The following STAG1 variants were observed in gnomAD, a reference collection of about 807,000 sequenced individuals.
STAG1 encodes the protein cohesin subunit SA-1.
A neutral mutation model predicts 170.9 loss-of-function variants in STAG1; 26 were observed. The ratio of observed to expected loss-of-function variants is 0.15; its 90% CI spans 0.11 to 0.21. STAG1 has a LOEUF of 0.21. Among genes scored for constraint, STAG1 ranks in the 10% least tolerant of loss-of-function variants. The pLI is 1.00. For synonymous variants in STAG1, 514 were observed against 497.7 expected, an observed-to-expected ratio of 1.03 and a Z score of -0.44; for missense variants, 964 against 1,509.5, an observed-to-expected ratio of 0.64 and a Z score of 5.99.
At chr3:136,468,349 C>G (rs938600435) in intron 12 of STAG1, among the ~76,000 whole-genome samples, 10 of 152,146 alleles carry the variant, frequency 6.6e-5, no homozygotes, top group Non-Finnish European at 1.3e-4. Flanking sequence ...CACAGAAATA[C>G]AAACTACCAT....
At chr3:136,450,132 T>C (rs1344997613) in intron 14 of STAG1, among the ~76,000 whole-genome samples, 1 of 152,156 alleles carries the variant, frequency 6.6e-6, no homozygotes, top group Non-Finnish European at 1.5e-5. Flanking sequence ...ACGGGGTAGT[T>C]AGTGTTTTAC....
At chr3:136,751,967 G>A (rs1935278890) in intron 1 of STAG1, among the ~76,000 whole-genome samples, 1 of 150,836 alleles carries the variant, frequency 6.6e-6, no homozygotes, top group African/African-American at 2.4e-5. Flanking sequence ...CGCGCCCACA[G>A]ACGTCTCTCC....
At chr3:136,394,897 G>A (rs1178983937) in intron 22 of STAG1, among the ~76,000 whole-genome samples, 1 of 146,820 alleles carries the variant, frequency 6.8e-6, no homozygotes. Flanking sequence ...AGACTGCAGT[G>A]AGCCAAGATC....
chr3:136,439,365 T>C (rs2088560590), intron 15 of STAG1, among the ~76,000 whole-genome samples: 2 of 148,856 alleles, frequency 1.3e-5, no homozygotes, highest in South Asian at 4.3e-4. Context: ...TTCAGCAACT[T>C]GATTTTGCTG....
intron 22 of STAG1, among the ~76,000 whole-genome samples, chr3:136,382,876 C>G (rs1938053930): frequency 6.6e-6 from 1 of 152,120 alleles, no homozygotes; most frequent in Non-Finnish European, 1.5e-5. Flanking sequence ...TACATACTGA[C>G]AGATTTGGGT....
At chr3:136,573,983 C>G (rs143881580) in intron 4 of STAG1, among the ~76,000 whole-genome samples, 2 of 151,276 alleles carry the variant, frequency 1.3e-5, no homozygotes, top group African/African-American at 4.9e-5. Context: ...GTGGCTCACA[C>G]CTGTAATCTC....
At chr3:136,714,210 A>G (rs1052106226) in intron 1 of STAG1, among the ~76,000 whole-genome samples, 2 of 151,998 alleles carry the variant, frequency 1.3e-5, no homozygotes, top group African/African-American at 2.4e-5. Context: ...CCCCCCAAAA[A>G]AGTGTAATTT....
intron 7 of STAG1, among the ~76,000 whole-genome samples, chr3:136,515,048 C>T (rs1315024474): frequency 6.6e-6 from 1 of 152,004 alleles, no homozygotes; most frequent in Admixed American, 6.6e-5. Context: ...TACCCTAGAA[C>T]TTAAAGTATA....
chr3:136,385,793 C>G (rs2086856827), intron 22 of STAG1, among the ~76,000 whole-genome samples: 1 of 152,090 alleles, frequency 6.6e-6, no homozygotes, highest in African/African-American at 2.4e-5. Flanking sequence ...CCTTGAACTC[C>G]TGGGCTCAAG....
At chr3:136,463,171 A>C (rs2089323952) in intron 13 of STAG1, among the ~76,000 whole-genome samples, 1 of 152,214 alleles carries the variant, frequency 6.6e-6, no homozygotes, top group Admixed American at 6.5e-5. Flanking sequence ...ATATTATTTT[A>C]AGTCATGCCT....
intron 28 of STAG1, among the ~76,000 whole-genome samples, chr3:136,354,071 A>T (rs1237118367): frequency 6.6e-6 from 1 of 152,202 alleles, no homozygotes; most frequent in Non-Finnish European, 1.5e-5. Flanking sequence ...GTAAATAGGA[A>T]GATTAATATA....
chr3:136,422,240 C>T (rs771616221), intron 19 of STAG1, among the ~76,000 whole-genome samples, 170 bp downstream of exon 19: 1 of 151,598 alleles, frequency 6.6e-6, no homozygotes, highest in African/African-American at 2.4e-5. Flanking sequence ...TAAGGCATAA[C>T]CAAGGCTGAT....
chr3:136,525,850 T>C (rs1428965473), intron 6 of STAG1, among the ~76,000 whole-genome samples: 4 of 152,222 alleles, frequency 2.6e-5, no homozygotes, highest in Non-Finnish European at 4.4e-5. Flanking sequence ...CATTTCGTTA[T>C]GTATCCATTA....
At chr3:136,422,882 A>C (rs1412934003) in intron 17 of STAG1, 25 bp from the exon 18 acceptor site, 5 of 1,594,422 alleles carry the variant, frequency 3.1e-6, no homozygotes, top group Non-Finnish European at 4.3e-6. Flanking sequence ...AAAGAAAAAG[A>C]CAGTAACTAC....
chr3:136,473,129 G>A (rs751914182), intron 11 of STAG1, among the ~76,000 whole-genome samples: 2 of 152,070 alleles, frequency 1.3e-5, no homozygotes, highest in Non-Finnish European at 2.9e-5. Context: ...AGGGATCTAC[G>A]TTGTGTGCTC....
At chr3:136,625,065 A>C (rs1940036939) in intron 2 of STAG1, among the ~76,000 whole-genome samples, 1 of 152,234 alleles carries the variant, frequency 6.6e-6, no homozygotes, top group African/African-American at 2.4e-5. Flanking sequence ...TAACTCTCAC[A>C]GGCCAATACA....
chr3:136,669,370 T>G (rs1239584279), intron 1 of STAG1, among the ~76,000 whole-genome samples: 5 of 151,674 alleles, frequency 3.3e-5, no homozygotes, highest in Non-Finnish European at 5.9e-5. Flanking sequence ...TCTTTCTTTT[T>G]TGAGACGATG....
chr3:136,580,560 T>C (rs1272605182), intron 4 of STAG1, among the ~76,000 whole-genome samples: 1 of 140,140 alleles, frequency 7.1e-6, no homozygotes, highest in Non-Finnish European at 1.5e-5. Flanking sequence ...GGAGTCTCGC[T>C]CTGTCGCCCA....
intron 1 of STAG1, among the ~76,000 whole-genome samples, chr3:136,706,229 T>C (rs1438153377): frequency 1.3e-5 from 2 of 152,178 alleles, no homozygotes; most frequent in Non-Finnish European, 2.9e-5. Context: ...GAAGCCCACT[T>C]TCAACACTGC....
Sources: allele counts gnomAD v4.1 joint callset (sites outside exome capture counted in the v4.1 genomes callset), GRCh38; gene constraint gnomAD v4.1.1; transcripts MANE v1.5; gene names NCBI Gene and HGNC (gene_info 2026-07-23, HGNC 2026-07-21).